The following VPS8 variants were observed in gnomAD, a reference collection of about 807,000 sequenced individuals.
VPS8 encodes the protein VPS8 subunit of CORVET complex, also known as vacuolar protein sorting-associated protein 8 homolog.
Under a neutral mutation model 216.4 loss-of-function variants are expected in VPS8, and 129 were observed. The observed-to-expected ratio is 0.60, with a 90% CI of 0.52 to 0.69. VPS8 has a LOEUF of 0.69. VPS8 is among the 30% of genes least tolerant of loss of function. The pLI is 0.00. For missense variants in VPS8, 1,531 were observed against 1,683.5 expected, an observed-to-expected ratio of 0.91 and a Z score of 1.59; for synonymous variants, 571 against 565.4, an observed-to-expected ratio of 1.01 and a Z score of -0.14.
In VPS8 at chr3:184,848,202, C is replaced by T. The variant is rs116301619; in HGVS notation, c.542-869C>T. Reference sequence around the variant, plus strand: ...TGCTGGGATTACAGGTGTGAGCCACCGTGCCTAGCCACTTTTAGCATATCA... The same window carrying T: ...TGCTGGGATTACAGGTGTGAGCCACTGTGCCTAGCCACTTTTAGCATATCA... On this transcript the variant is annotated intron_variant, in intron 8 of 47. Coordinates refer to ENST00000625842, the MANE Select transcript of VPS8 (RefSeq NM_001009921.3). Among the ~76,000 whole-genome samples, 673 of 152,158 alleles carry T rather than the reference C, an allele frequency of 4.4e-3. 7 individuals carry two copies. Among genetic ancestry groups the T allele is most frequent in the African/African-American group, 0.015 (630 of 41,506 alleles).
intron 36 of VPS8, among the ~76,000 whole-genome samples, chr3:184,947,433 A>C (rs908149441): frequency 9.2e-5 from 14 of 152,308 alleles, no homozygotes; most frequent in African/African-American, 3.1e-4. Context: ...ACAAGTGGAA[A>C]GGAACAAATT....
intron 17 of VPS8, 136 bp downstream of exon 17, chr3:184,867,086 G>A (rs1727498037): frequency 5.7e-6 from 4 of 695,952 alleles, no homozygotes; most frequent in Non-Finnish European, 9.1e-6. Flanking sequence ...TTGTGGTTAG[G>A]TAGGCATGAT....
chr3:184,893,823 A>G (rs1281486391), intron 22 of VPS8, among the ~76,000 whole-genome samples: 1 of 152,246 alleles, frequency 6.6e-6, no homozygotes, highest in Non-Finnish European at 1.5e-5. Flanking sequence ...TATATCCAAC[A>G]GTACAGGAAT....
intron 45 of VPS8, among the ~76,000 whole-genome samples, chr3:185,018,748 A>C (rs142614814): frequency 2.2e-4 from 34 of 152,318 alleles, no homozygotes; most frequent in African/African-American, 7.7e-4. Flanking sequence ...TGTAGCTATA[A>C]TATTTCCCTG....
At chr3:185,042,234 A>G (rs1460919386) in intron 46 of VPS8, among the ~76,000 whole-genome samples, 1 of 152,160 alleles carries the variant, frequency 6.6e-6, no homozygotes, top group East Asian at 1.9e-4. Flanking sequence ...GTCTTCCTTT[A>G]GAGACTTTTG....
chr3:184,867,750 G>A (rs1727633123), intron 17 of VPS8, among the ~76,000 whole-genome samples: 2 of 152,144 alleles, frequency 1.3e-5, no homozygotes, highest in African/African-American at 4.8e-5. Flanking sequence ...AGAAGCTGAG[G>A]AATGAGAATC....
chr3:185,004,417 C>T (rs891352786), intron 45 of VPS8, among the ~76,000 whole-genome samples: 5 of 152,200 alleles, frequency 3.3e-5, no homozygotes, highest in Non-Finnish European at 7.3e-5. Context: ...TGCAGCGAGC[C>T]GAGATGGCAG....
intron 11 of VPS8, among the ~76,000 whole-genome samples, chr3:184,852,882 A>T (rs555626456): frequency 1.3e-5 from 2 of 152,132 alleles, no homozygotes; most frequent in Non-Finnish European, 2.9e-5. Context: ...GGCCCAGTTG[A>T]TTTTAATCAT....
At chr3:184,909,121 A>G (rs11920186) in intron 25 of VPS8, among the ~76,000 whole-genome samples, 12,457 of 152,254 alleles carry the variant, frequency 0.082, 1,676 homozygotes, top group African/African-American at 0.28. Flanking sequence ...GTCGCTATCA[A>G]ACCCACTGTG....
At chr3:184,965,570 C>T (rs995142505) in intron 38 of VPS8, among the ~76,000 whole-genome samples, 6 of 152,098 alleles carry the variant, frequency 3.9e-5, no homozygotes, top group Admixed American at 1.3e-4. Context: ...GCAGGTCAGG[C>T]GAGAAACAAC....
At chr3:184,927,829 C>A (rs1383014519) in intron 31 of VPS8, among the ~76,000 whole-genome samples, 1 of 152,188 alleles carries the variant, frequency 6.6e-6, no homozygotes, top group East Asian at 1.9e-4. Context: ...AATACTCGTT[C>A]TTTTGTATTT....
chr3:184,948,295 A>G (rs1390158772), intron 36 of VPS8, among the ~76,000 whole-genome samples: 1 of 151,012 alleles, frequency 6.6e-6, no homozygotes, highest in Non-Finnish European at 1.5e-5. Context: ...AAAAGACTCT[A>G]CAGGCCAAGA....
At position 184,915,346 on chromosome 3, in the gene VPS8, A is replaced by G. The variant is rs991400298; in HGVS notation, c.2263-9A>G. ...AGAAAATAATCAACATTTTTTTCCC[A>G]ACTTGCAGGTTTTTGAATTTCTAAT... On this transcript the variant is annotated splice_polypyrimidine_tract_variant and intron_variant, in intron 27 of 47. Transcript: ENST00000625842. The G allele has an allele frequency of 1.2e-6, 2 of 1,607,984 alleles. No homozygotes were observed. The highest frequency in any genetic ancestry group is 1.7e-5 in the Admixed American group (1 of 58,448).
intron 36 of VPS8, among the ~76,000 whole-genome samples, chr3:184,951,182 A>AT (rs1156703062): frequency 1.3e-5 from 2 of 152,308 alleles, no homozygotes; most frequent in Admixed American, 6.5e-5. Context: ...CAGAATTTGA[A>AT]TTTTAGAATA....
chr3:184,859,323 T>G (rs1725857384), intron 14 of VPS8, among the ~76,000 whole-genome samples: 1 of 152,232 alleles, frequency 6.6e-6, no homozygotes, highest in Non-Finnish European at 1.5e-5. Flanking sequence ...TGATTTTACA[T>G]TCTTCCACCG....
intron 45 of VPS8, among the ~76,000 whole-genome samples, chr3:185,021,222 G>A (rs1021852525): frequency 2.0e-5 from 3 of 152,120 alleles, no homozygotes; most frequent in East Asian, 1.9e-4. Context: ...TATATCATCC[G>A]TATCCCCAGA....
chr3:185,030,888 G>A (rs1758022567), intron 46 of VPS8, among the ~76,000 whole-genome samples: 1 of 151,880 alleles, frequency 6.6e-6, no homozygotes, highest in Non-Finnish European at 1.5e-5. Flanking sequence ...TCAGCCTCCT[G>A]AGTAATTGGG....
At chr3:184,898,204 A>G (rs1313594308) in intron 23 of VPS8, among the ~76,000 whole-genome samples, 3 of 152,074 alleles carry the variant, frequency 2.0e-5, no homozygotes, top group Non-Finnish European at 4.4e-5. Flanking sequence ...CAAAGTCTGG[A>G]TTTATCTTAT....
Position 184,850,015 on chromosome 3 carries a change from A to G in VPS8, c.746A>G (p.His249Arg). Residue 249 changes from histidine to arginine, a missense_variant, in exon 10 of 48, where the codon CAT becomes CGT. By Grantham distance (29) the His-to-Arg change is conservative. Around this residue, in one of 3 missense-constraint regions of VPS8, gnomAD observed 1,318 missense variants for 1,468.4 expected, o/e 0.90. Coordinates refer to ENST00000625842, the MANE Select transcript of VPS8 (RefSeq NM_001009921.3). ...CATCCTCCAGGAACAGCAATATTGCATATCAAGGTAAGAGCTTTATTTTCT... is the reference window on the plus strand; with the variant it reads ...CATCCTCCAGGAACAGCAATATTGCGTATCAAGGTAAGAGCTTTATTTTCT... ...DAHPPGTAIL[H>R]IKFTDDPTLA... 2 of 1,610,098 alleles carry G rather than the reference A, an allele frequency of 1.2e-6. No homozygotes were observed. Among genetic ancestry groups the G allele is most frequent in the Non-Finnish European group, 1.7e-6 (2 of 1,178,578 alleles).
Sources: allele counts gnomAD v4.1 joint callset (sites outside exome capture counted in the v4.1 genomes callset), GRCh38; gene constraint gnomAD v4.1.1; regional missense constraint gnomAD v4.1.1; transcripts MANE v1.5; gene names NCBI Gene and HGNC (gene_info 2026-07-23, HGNC 2026-07-21).